Variants in GSE1 observed in about 807,000 individuals in gnomAD.
GSE1 encodes the protein genetic suppressor element 1.
GSE1 carries 32 observed loss-of-function variants against 112.6 expected under a neutral mutation model. The observed-to-expected ratio is 0.28, with a 90% confidence interval of 0.21 to 0.38. The LOEUF (loss-of-function observed/expected upper bound fraction) is 0.38. Ranked by LOEUF, GSE1 falls within the 10% of genes least tolerant of loss-of-function variation. The probability of loss-of-function intolerance (pLI) is 1.00; values close to 1 mark genes in which losing one functional copy is unlikely to be tolerated. For synonymous variants in GSE1, 1,115 were observed against 735.6 expected (o/e 1.52, Z -8.35); for missense variants, 2,348 against 1,699.2 (o/e 1.38, Z -6.71).
intron 1 of GSE1, among the ~76,000 whole-genome samples, chr16:85,568,149 C>G (rs2045837512): frequency 6.6e-6 from 1 of 152,262 alleles, no homozygotes; most frequent in Non-Finnish European, 1.5e-5. Flanking sequence ...CCCACATCCT[C>G]TGTGAAGTAT....
chr16:85,265,674 C>T (rs1221797730), intron 1 of GSE1, among the ~76,000 whole-genome samples: 1 of 152,036 alleles, frequency 6.6e-6, no homozygotes, highest in Admixed American at 6.6e-5. Context: ...ACTGAAAGAC[C>T]ATGTGTTTGG....
intron 1 of GSE1, among the ~76,000 whole-genome samples, chr16:85,312,211 G>C (rs1007493258): frequency 9.2e-5 from 14 of 151,634 alleles, no homozygotes; most frequent in Middle Eastern, 3.4e-3. Flanking sequence ...TTGCGGGGGG[G>C]GGGGGGACAC....
intron 1 of GSE1, among the ~76,000 whole-genome samples, chr16:85,330,478 T>G (rs1292468584): frequency 6.6e-6 from 1 of 152,134 alleles, no homozygotes; most frequent in Non-Finnish European, 1.5e-5. Context: ...GGTGGATATG[T>G]GTTGTTAGAG....
intron 1 of GSE1, among the ~76,000 whole-genome samples, chr16:85,289,841 C>T (rs150744449): frequency 2.6e-5 from 4 of 152,154 alleles, no homozygotes; most frequent in African/African-American, 4.8e-5. Flanking sequence ...CATGTTGGGG[C>T]GGGGATGAAA....
At chr16:85,449,896 G>A (rs2049626430) in intron 2 of GSE1, among the ~76,000 whole-genome samples, 1 of 152,178 alleles carries the variant, frequency 6.6e-6, no homozygotes, top group Non-Finnish European at 1.5e-5. Context: ...AAGTTGTGCT[G>A]TGCCTCTTCT....
chr16:85,531,055 C>G (rs1425719471), intron 2 of GSE1, among the ~76,000 whole-genome samples: 1 of 152,256 alleles, frequency 6.6e-6, no homozygotes, highest in Non-Finnish European at 1.5e-5. Context: ...CCAACTGATG[C>G]CATGCACACA....
At chr16:85,251,707 A>G (rs999067895) in intron 1 of GSE1, among the ~76,000 whole-genome samples, 2 of 152,228 alleles carry the variant, frequency 1.3e-5, no homozygotes, top group East Asian at 3.8e-4. Flanking sequence ...TGCGGGGTAC[A>G]GGACCCGCTT....
chr16:85,567,868 A>G (rs1024549065), intron 1 of GSE1, among the ~76,000 whole-genome samples: 9 of 152,020 alleles, frequency 5.9e-5, no homozygotes, highest in African/African-American at 2.2e-4. Flanking sequence ...GATCACACGT[A>G]TGCACCACCA....
At chr16:85,451,242 G>C (rs560185988) in intron 2 of GSE1, among the ~76,000 whole-genome samples, 3 of 152,124 alleles carry the variant, frequency 2.0e-5, no homozygotes, top group Admixed American at 2.0e-4. Context: ...AAATTCCATG[G>C]TGTCCTTTTG....
chr16:85,442,441 G>GATGAATGA (rs57785914), intron 2 of GSE1, among the ~76,000 whole-genome samples: 24,944 of 150,394 alleles, frequency 0.17, 3,630 homozygotes, highest in African/African-American at 0.4. Context: ...TGAATGAATG[G>GATGAATGA]ATGAATGAAT....
intron 1 of GSE1, among the ~76,000 whole-genome samples, chr16:85,271,799 G>A (rs765436296): frequency 5.3e-5 from 8 of 152,190 alleles, no homozygotes; most frequent in Non-Finnish European, 1.2e-4. Context: ...GAGATGGGAT[G>A]GGGGAGCTCC....
At chr16:85,253,304 C>T (rs1467547704) in intron 1 of GSE1, among the ~76,000 whole-genome samples, 1 of 152,146 alleles carries the variant, frequency 6.6e-6, no homozygotes, top group East Asian at 1.9e-4. Context: ...TTGCTTGGGG[C>T]CTGGGCTGTG....
intron 2 of GSE1, among the ~76,000 whole-genome samples, chr16:85,497,238 C>A (rs1329010097): frequency 6.6e-6 from 1 of 152,218 alleles, no homozygotes; most frequent in African/African-American, 2.4e-5. Context: ...GCTGCTGGGT[C>A]TCCTGAAGGC....
intron 12 of GSE1, among the ~76,000 whole-genome samples, chr16:85,665,710 G>A (rs1434304381): frequency 1.3e-5 from 2 of 152,214 alleles, no homozygotes; most frequent in Non-Finnish European, 2.9e-5. Flanking sequence ...CCTCCATGCT[G>A]CCTCCGTGGC....
intron 1 of GSE1, among the ~76,000 whole-genome samples, chr16:85,589,882 G>T (rs1457948168): frequency 1.3e-5 from 2 of 151,502 alleles, no homozygotes; most frequent in African/African-American, 4.9e-5. Flanking sequence ...GAGACATTGT[G>T]TGTGAAGGAA....
intron 1 of GSE1, among the ~76,000 whole-genome samples, chr16:85,561,064 C>T (rs971973094): frequency 1.3e-5 from 2 of 151,368 alleles, no homozygotes; most frequent in Admixed American, 6.6e-5. Flanking sequence ...CCCAGGAGGT[C>T]GAGGCTGCAG....
intron 1 of GSE1, among the ~76,000 whole-genome samples, chr16:85,200,223 C>G (rs2075003073): frequency 6.6e-6 from 1 of 152,118 alleles, no homozygotes. Context: ...AGTTTTATAT[C>G]TTTCTACCAG....
chr16:85,666,486 GTTA>G, intron 13 of GSE1, 139 bp downstream of exon 13: 2 of 765,480 alleles, frequency 2.6e-6, no homozygotes, highest in Non-Finnish European at 4.3e-6. Flanking sequence ...AAATAATTTC[GTTA>G]TTATGCCAAA....
chr16:85,589,645 GTA>G (rs2046885697), intron 1 of GSE1, among the ~76,000 whole-genome samples: 1 of 152,198 alleles, frequency 6.6e-6, no homozygotes, highest in African/African-American at 2.4e-5. Context: ...CAGTGAATGT[GTA>G]TGTGTGACGT....
Sources: gnomAD v4.1 joint callset for allele counts (sites outside exome capture counted in the v4.1 genomes callset) on GRCh38, gnomAD v4.1.1 for gene constraint, MANE v1.5 for transcripts, NCBI Gene and HGNC (gene_info 2026-07-23, HGNC 2026-07-21) for gene names.